CASK: variants seen among roughly 807,000 people sequenced by gnomAD.
CASK encodes the protein peripheral plasma membrane protein CASK.
Under a neutral mutation model 82.9 loss-of-function variants are expected in CASK, and 4 were observed. The observed-to-expected ratio is 0.05, with a 90% CI of 0.02 to 0.11. The LOEUF is 0.11. Among genes scored for constraint, CASK ranks in the 10% least tolerant of loss-of-function variants. The pLI is 1.00. For missense variants in CASK, 358 were observed against 720.9 expected (o/e 0.50, Z 5.76); for synonymous variants, 259 against 253.5 (o/e 1.02, Z -0.20).
Position 41,612,511 on chromosome X carries a change from C to T in CASK, c.1034-2486G>A, listed in dbSNP as rs1404297980. ...AGGAGCGTCTCCGCCCGGCAGCCACCCCGTCCGGGAAGGAGGTGGGGGTCA... is the reference window on the plus strand; with the variant it reads ...AGGAGCGTCTCCGCCCGGCAGCCACTCCGTCCGGGAAGGAGGTGGGGGTCA... On this transcript the variant is annotated intron_variant, in intron 11 of 26. Coordinates refer to ENST00000378163, the MANE Select transcript of CASK (RefSeq NM_001367721.1). 1.3e-4 allele frequency among the ~76,000 whole-genome samples: 14 copies of T among 108,623 alleles called. No homozygotes were observed. In the Admixed American group the frequency reaches 1.3e-3, roughly 10 times the overall value. The allele number at this position is 108,623 out of a possible 115,157, so 94.3% of individuals were successfully genotyped here.
chrX:41,632,403 T>C (rs1403207329), intron 9 of CASK, among the ~76,000 whole-genome samples: 1 of 111,717 alleles, frequency 9.0e-6, no homozygotes, highest in Non-Finnish European at 1.9e-5. Flanking sequence ...GTATAAGCAT[T>C]ACTCTGCAGT....
At chrX:41,582,346 C>T (rs1274845203) in intron 14 of CASK, among the ~76,000 whole-genome samples, 3 of 111,856 alleles carry the variant, frequency 2.7e-5, no homozygotes, top group Middle Eastern at 4.6e-3. Context: ...GATGGAGTCT[C>T]GCTCTGTCTC....
At chrX:41,590,749 A>C (rs1272595323) in intron 12 of CASK, among the ~76,000 whole-genome samples, 2 of 110,402 alleles carry the variant, frequency 1.8e-5, no homozygotes, top group African/African-American at 6.6e-5. Context: ...AACTTCTCTA[A>C]AACAGGTGGG....
chrX:41,903,133 C>T (rs140047953), intron 1 of CASK, among the ~76,000 whole-genome samples: 55 of 112,213 alleles, frequency 4.9e-4, no homozygotes, highest in African/African-American at 1.2e-3. Context: ...TTATATCTTG[C>T]GACATTATGT....
chrX:41,612,820 G>A (rs1439402763), intron 11 of CASK, among the ~76,000 whole-genome samples: 4 of 96,630 alleles, frequency 4.1e-5, no homozygotes, highest in African/African-American at 1.2e-4. Context: ...CTGCCTGGCC[G>A]CCCCTACTGG....
At chrX:41,580,765 C>G (rs1384397689) in intron 14 of CASK, among the ~76,000 whole-genome samples, 1 of 111,739 alleles carries the variant, frequency 8.9e-6, no homozygotes, top group Admixed American at 9.5e-5. Context: ...ATAGGGAAAC[C>G]AAAATTTGAA....
chrX:41,749,059 C>A (rs186705065), intron 3 of CASK, among the ~76,000 whole-genome samples: 1 of 110,861 alleles, frequency 9.0e-6, no homozygotes, highest in Non-Finnish European at 1.9e-5. Flanking sequence ...CCGAGGCGGG[C>A]GGATAGCTTG....
rs189302226 is a variant in CASK at position 41,653,144 on chromosome X, C to T, written c.831+7295G>A. Among the ~76,000 whole-genome samples the T allele has an allele frequency of 6.2e-5, 7 of 112,541 alleles. No homozygotes were observed. The East Asian group carries it at 1.1e-3, about 18-fold the overall frequency. ...TGTTGATTGTTGTTGTTGTGTGGTG[C>T]GAGAGCAGAGGAAAACAGTTCTGAG... is the stretch of plus-strand genomic sequence containing the variant. On this transcript the variant is annotated intron_variant, in intron 8 of 26. Transcript: ENST00000378163.
intron 1 of CASK, among the ~76,000 whole-genome samples, chrX:41,865,597 G>A (rs1284159574): frequency 9.0e-6 from 1 of 111,335 alleles, no homozygotes; most frequent in African/African-American, 3.3e-5. Flanking sequence ...ATATTTTGTG[G>A]TGCTTGCTAT....
At chrX:41,616,606 C>CTT (rs377377142) in intron 11 of CASK, among the ~76,000 whole-genome samples, 32 of 99,184 alleles carry the variant, frequency 3.2e-4, no homozygotes, top group African/African-American at 2.2e-4. Context: ...TAACCAAAAT[C>CTT]TTTTTTTTTT....
intron 2 of CASK, among the ~76,000 whole-genome samples, chrX:41,798,290 G>A (rs772463032): frequency 4.9e-4 from 55 of 111,998 alleles, no homozygotes; most frequent in Non-Finnish European, 8.5e-4. Context: ...GGCACCCAGC[G>A]TTTCACCAAG....
chrX:41,651,392 A>T (rs921296433), intron 8 of CASK, among the ~76,000 whole-genome samples: 1 of 111,758 alleles, frequency 8.9e-6, no homozygotes, highest in East Asian at 2.8e-4. Flanking sequence ...ACAAAACAAA[A>T]CAAAGAAAGT....
intron 2 of CASK, among the ~76,000 whole-genome samples, chrX:41,849,309 ATCTATTTTTAAGACAAAAAC>A (rs1283039605): frequency 3.6e-5 from 4 of 111,773 alleles, no homozygotes; most frequent in Non-Finnish European, 7.5e-5. Context: ...TAATTTTGAT[ATCTATTTTTAAGACAAAAAC>A]TCTAAATTAG....
intron 12 of CASK, among the ~76,000 whole-genome samples, chrX:41,609,527 A>T (rs968643770): frequency 4.5e-5 from 5 of 110,564 alleles, no homozygotes; most frequent in Non-Finnish European, 9.5e-5. Context: ...CATGTAAAGT[A>T]AAAAGGTATG....
intron 1 of CASK, among the ~76,000 whole-genome samples, chrX:41,886,060 C>T (rs1314467070): frequency 2.7e-5 from 3 of 111,564 alleles, no homozygotes; most frequent in African/African-American, 6.5e-5. Context: ...AATCAGCAAG[C>T]ATTTGGTTGC....
chrX:41,906,646 C>A (rs1246452925), intron 1 of CASK, among the ~76,000 whole-genome samples: 1 of 112,170 alleles, frequency 8.9e-6, no homozygotes, highest in Non-Finnish European at 1.9e-5. Context: ...GAGGGCAGGA[C>A]AACACAGAAA....
intron 5 of CASK, among the ~76,000 whole-genome samples, chrX:41,723,321 C>A (rs746858473): frequency 1.7e-4 from 19 of 112,068 alleles, no homozygotes; most frequent in Non-Finnish European, 3.2e-4. Context: ...GTGCTTGATG[C>A]AAGTCTTCCT....
intron 5 of CASK, among the ~76,000 whole-genome samples, chrX:41,700,820 T>C (rs1242052978): frequency 2.9e-5 from 3 of 103,661 alleles, no homozygotes; most frequent in African/African-American, 1.1e-4. Context: ...CCTCAGGTGA[T>C]CCGCCCGCCT....
intron 16 of CASK, among the ~76,000 whole-genome samples, chrX:41,568,806 T>C (rs1002938881): frequency 9.0e-6 from 1 of 111,522 alleles, no homozygotes; most frequent in African/African-American, 3.3e-5. Flanking sequence ...GAGACCAGCC[T>C]GGGCAACATG....
Sources: allele counts gnomAD v4.1 joint callset (sites outside exome capture counted in the v4.1 genomes callset), GRCh38; gene constraint gnomAD v4.1.1; transcripts MANE v1.5; gene names NCBI Gene and HGNC (gene_info 2026-07-23, HGNC 2026-07-21).